TCERG1: variants seen among roughly 807,000 people sequenced by gnomAD.
TCERG1 encodes transcription elongation regulator 1, also known as TATA box binding protein (TBP)-associated factor, RNA polymerase II, S, 150kD.
In TCERG1, 37 loss-of-function variants were observed where a neutral mutation model predicts 144.7. The ratio of observed to expected loss-of-function variants is 0.26; its 90% CI spans 0.20 to 0.34. The LOEUF (loss-of-function observed/expected upper bound fraction) is 0.34. TCERG1 is among the 10% of genes least tolerant of loss of function. The pLI, the probability that TCERG1 is intolerant of heterozygous loss-of-function variation, is 1.00. For synonymous variants in TCERG1, 492 were observed against 458.2 expected, an observed-to-expected ratio of 1.07 and a Z score of -0.94; for missense variants, 1,027 against 1,380.7, an observed-to-expected ratio of 0.74 and a Z score of 4.06.
rs142840629 is a variant in TCERG1, at chr5:146,507,357, TG to T, written c.2961+152del. On this transcript the variant is annotated intron_variant, in intron 20 of 22. Coordinates refer to ENST00000679501, the MANE Select transcript of TCERG1 (RefSeq NM_001382548.1). This position sits in a 1 kb window ranked among gnomAD's most constrained non-coding sequence, Gnocchi z 4.6. ...ACAATTCTCTGATTTTAAAAAATTA[TG>T]GTATTCTTATTTATTTAGAAATGCC... 5.2e-3 allele frequency: 3,739 copies of T among 713,328 alleles called. 111 individuals are homozygous for T. The African/African-American group carries it at 0.061, about 12-fold the overall frequency. The allele number at this position is 713,328 out of a possible 1,614,324, so 44.2% of individuals were successfully genotyped here.
At chr5:146,494,453 A>G (rs1054279804) in intron 16 of TCERG1, among the ~76,000 whole-genome samples, 1 of 152,170 alleles carries the variant, frequency 6.6e-6, no homozygotes, top group East Asian at 1.9e-4. Context: ...GTCTTACCAT[A>G]TCGTAGTACT....
intron 9 of TCERG1, among the ~76,000 whole-genome samples, chr5:146,475,850 G>A (rs1764795680): frequency 6.6e-6 from 1 of 152,166 alleles, no homozygotes; most frequent in African/African-American, 2.4e-5. Context: ...TATAGGAAGG[G>A]AAGGGCTTAG....
At chr5:146,488,470 G>GA (rs1196776710) in intron 15 of TCERG1, among the ~76,000 whole-genome samples, 4 of 152,056 alleles carry the variant, frequency 2.6e-5, no homozygotes, top group Non-Finnish European at 5.9e-5. Context: ...ATAAATATAT[G>GA]AAAAAATGCT....
At chr5:146,449,616 C>A (rs1762185272) in intron 1 of TCERG1, among the ~76,000 whole-genome samples, 1 of 152,178 alleles carries the variant, frequency 6.6e-6, no homozygotes, top group Non-Finnish European at 1.5e-5. Context: ...GATTGCATAT[C>A]TGGATAGAGA....
At chr5:146,499,475 A>T (rs1767236208) in intron 17 of TCERG1, 1 of 152,210 alleles carries the variant, frequency 6.6e-6, no homozygotes, top group South Asian at 2.1e-4. Flanking sequence ...AACAGCTTTT[A>T]TCAGAAATAC....
intron 1 of TCERG1, among the ~76,000 whole-genome samples, chr5:146,453,566 C>A (rs1428653259): frequency 6.6e-6 from 1 of 151,986 alleles, no homozygotes; most frequent in Admixed American, 6.6e-5. Flanking sequence ...GTGCATATTC[C>A]AGTGTTGTCA....
rs1768105018 is a variant in TCERG1 at position 146,507,440 on chromosome 5, A to G, written c.2961+233A>G. ...TCCCATAGTAATTCAAAATGTCCTT[A>G]GCCATGTGGTCAGTGATCCCTCCTA... On this transcript the variant is annotated intron_variant, in intron 20 of 22. Coordinates refer to ENST00000679501, the MANE Select transcript of TCERG1 (RefSeq NM_001382548.1). This position sits in a 1 kb window ranked among gnomAD's most constrained non-coding sequence, Gnocchi z 4.6. The G allele has an allele frequency of 2.3e-6, 1 of 434,344 alleles. No homozygotes were observed. The highest frequency in any genetic ancestry group is 4.0e-6 in the Non-Finnish European group (1 of 251,250). 26.9% of individuals were successfully genotyped at this position (434,344 alleles called of 1,614,324 possible).
rs1279956332 is a variant in TCERG1 at position 146,455,289 on chromosome 5, A to C, written c.285+8A>C. ...GGCCCTCCACACCTCCAGGTAAAGA[A>C]TGTAGAGGTTGCCATTTCTTTGTTG... On this transcript the variant is annotated splice_region_variant and intron_variant, in intron 2 of 22. Coordinates refer to ENST00000679501, the MANE Select transcript of TCERG1 (RefSeq NM_001382548.1). 2 of 1,613,310 alleles carry C rather than the reference A, an allele frequency of 1.2e-6. No individual in the cohort carries two copies. Among genetic ancestry groups the C allele is most frequent in the Non-Finnish European group, 1.7e-6 (2 of 1,179,396 alleles).
At chr5:146,470,925 C>G (rs1453199411) in intron 8 of TCERG1, among the ~76,000 whole-genome samples, 177 bp downstream of exon 8, 1 of 152,158 alleles carries the variant, frequency 6.6e-6, no homozygotes, top group African/African-American at 2.4e-5. Context: ...CATTAAATTA[C>G]TTCTTGTACT....
intron 1 of TCERG1, among the ~76,000 whole-genome samples, chr5:146,452,792 A>G (rs1297480871): frequency 6.6e-6 from 1 of 152,088 alleles, no homozygotes; most frequent in African/African-American, 2.4e-5. Context: ...GGGTTTCACC[A>G]TGTTGTCCAG....
rs1383663356 is a variant in TCERG1 at position 146,506,584 on chromosome 5, G to GC, written c.2782-443dup. 3.9e-5 allele frequency among the ~76,000 whole-genome samples: 6 copies of GC among 152,286 alleles called. No individual in the cohort carries two copies. The East Asian group carries it at 1.2e-3, about 29-fold the overall frequency. On this transcript the variant is annotated intron_variant, in intron 19 of 22. Coordinates refer to ENST00000679501, the MANE Select transcript of TCERG1 (RefSeq NM_001382548.1). ...TATTGGCTTTAGTTAACCCTGGTGT[G>GC]CAGTAGGTCTCAAAACTTATTTCTG...
At chr5:146,503,659 T>A in intron 18 of TCERG1, 120 bp downstream of exon 18, 1 of 1,388,104 alleles carries the variant, frequency 7.2e-7, no homozygotes, top group Non-Finnish European at 9.8e-7. Flanking sequence ...GTTAGTATTC[T>A]TAACATAAGA....
chr5:146,492,312 C>T (rs62372827), intron 15 of TCERG1, among the ~76,000 whole-genome samples: 1,550 of 152,230 alleles, frequency 0.01, 11 homozygotes, highest in Non-Finnish European at 0.017. Context: ...TCTGTCACAT[C>T]CTTTTCCACT....
At chr5:146,478,715 A>G (rs1581477675) in intron 10 of TCERG1, 62 bp downstream of exon 10, 2 of 1,458,838 alleles carry the variant, frequency 1.4e-6, no homozygotes, top group African/African-American at 1.4e-5. Context: ...TTTGATAGAA[A>G]ATGTGGAAGG....
At chr5:146,506,548 GT>G (rs1203403523) in intron 19 of TCERG1, among the ~76,000 whole-genome samples, 7 of 152,174 alleles carry the variant, frequency 4.6e-5, no homozygotes, top group African/African-American at 1.7e-4. Flanking sequence ...TATTTTGAAT[GT>G]AGAATACATT....
At chr5:146,480,132 T>C (rs202226827) in intron 12 of TCERG1, 38 bp downstream of exon 12, 1 of 1,488,094 alleles carries the variant, frequency 6.7e-7, no homozygotes, top group Non-Finnish European at 9.1e-7. Flanking sequence ...GTAGATTATA[T>C]CTTTTAAAAG....
At chr5:146,491,695 G>T (rs1292609030) in intron 15 of TCERG1, among the ~76,000 whole-genome samples, 3 of 152,140 alleles carry the variant, frequency 2.0e-5, no homozygotes, top group African/African-American at 7.2e-5. Flanking sequence ...TCCCAATTCA[G>T]ATTCCCTTAG....
At chr5:146,474,085 G>T (rs189715189) in intron 9 of TCERG1, among the ~76,000 whole-genome samples, 2 of 151,936 alleles carry the variant, frequency 1.3e-5, no homozygotes, top group Admixed American at 1.3e-4. Flanking sequence ...GATTCCTCTG[G>T]TGGATCTGGG....
At chr5:146,449,738 G>A (rs1469559241) in intron 1 of TCERG1, among the ~76,000 whole-genome samples, 1 of 152,184 alleles carries the variant, frequency 6.6e-6, no homozygotes, top group Admixed American at 6.5e-5. Context: ...AAGGTTGTAA[G>A]TGGTAGGAAT....
Sources: gnomAD v4.1 joint callset for allele counts (sites outside exome capture counted in the v4.1 genomes callset) on GRCh38, gnomAD v4.1.1 for gene constraint, Gnocchi (gnomAD v3.1) non-coding constraint, MANE v1.5 for transcripts, NCBI Gene and HGNC (gene_info 2026-07-23, HGNC 2026-07-21) for gene names.